Variants in DIS3L2 observed in about 807,000 individuals in gnomAD.
DIS3L2 encodes DIS3-like exonuclease 2.
DIS3L2 carries 34 observed loss-of-function variants against 97.5 expected under a neutral mutation model. That is an observed-to-expected ratio of 0.35 (90% CI 0.27 to 0.46). The LOEUF is 0.46. Among genes scored for constraint, DIS3L2 ranks in the 20% least tolerant of loss-of-function variants. The probability of loss-of-function intolerance (pLI) is 1.00; values close to 1 mark genes in which losing one functional copy is unlikely to be tolerated. For missense variants in DIS3L2, 1,038 were observed against 1,146.0 expected, an observed-to-expected ratio of 0.91 and a Z score of 1.36; for synonymous variants, 435 against 445.2, an observed-to-expected ratio of 0.98 and a Z score of 0.29.
At chr2:232,142,716 G>A (rs999302829) in intron 8 of DIS3L2, among the ~76,000 whole-genome samples, 4 of 152,114 alleles carry the variant, frequency 2.6e-5, no homozygotes, top group African/African-American at 9.7e-5. Context: ...CTGTGTCATA[G>A]TACTGAGCCA....
chr2:231,988,050 C>T (rs1329839482), intron 1 of DIS3L2, among the ~76,000 whole-genome samples: 1 of 152,150 alleles, frequency 6.6e-6, no homozygotes, highest in African/African-American at 2.4e-5. Context: ...TCCATTTTGG[C>T]CAGGCTGGTC....
intron 1 of DIS3L2, among the ~76,000 whole-genome samples, chr2:231,986,662 A>G (rs1273861265): frequency 6.6e-6 from 1 of 152,208 alleles, no homozygotes; most frequent in Non-Finnish European, 1.5e-5. Context: ...AGAAGCTTTT[A>G]TTATTATCGC....
rs190996800 is a variant in DIS3L2, at chr2:232,031,190, A to G, written c.366+1110A>G. Among the ~76,000 whole-genome samples, 351 of 152,334 alleles carry G rather than the reference A, an allele frequency of 2.3e-3. 3 individuals are homozygous for G. Among genetic ancestry groups the G allele is most frequent in the Non-Finnish European group, 4.2e-3 (289 of 68,032 alleles). ...TACTGCCTAAAAATCTTAGAATGGC[A>G]GGAGCTCAAGAAATGTTCTTACTAG... On this transcript the variant is annotated intron_variant, in intron 5 of 20. Transcript: ENST00000325385.
At position 232,013,997 on chromosome 2, in the gene DIS3L2, C is replaced by T. The variant is rs970611278; in HGVS notation, c.-93-838C>T. On this transcript the variant is annotated intron_variant, in intron 1 of 20. Transcript: ENST00000325385. ...TGGAAGCTAGTGTTCAGAATGACAT[C>T]TTGATTCATTTTGTGGGAACTCAGG... Among the ~76,000 whole-genome samples, 73 of 152,198 alleles carry T rather than the reference C, an allele frequency of 4.8e-4. 4 individuals are homozygous for T. Among genetic ancestry groups the T allele is most frequent in the Non-Finnish European group, 8.8e-5 (6 of 68,044 alleles).
At chr2:232,026,174 G>C (rs3100605) in intron 4 of DIS3L2, among the ~76,000 whole-genome samples, 119,295 of 152,102 alleles carry the variant, frequency 0.78, 47,530 homozygotes, top group African/African-American at 0.92. Context: ...GACAGAAGTA[G>C]AAAAGAAGGC....
chr2:232,032,016 T>A (rs1694818504), intron 5 of DIS3L2, among the ~76,000 whole-genome samples: 2 of 152,356 alleles, frequency 1.3e-5, no homozygotes, highest in Middle Eastern at 3.4e-3. Flanking sequence ...ATCCTTTGGG[T>A]ATATACACAG....
rs141982377 is a variant in DIS3L2 at position 232,124,237 on chromosome 2, T to C, written c.602-6382T>C. On this transcript the variant is annotated intron_variant, in intron 6 of 20. Transcript: ENST00000325385. ...CAACAGAAGTGGCCCTTCAAAAATA[T>C]CATCAGATACTAGAATCACCACAGT... is the stretch of plus-strand genomic sequence containing the variant. Among the ~76,000 whole-genome samples the C allele has an allele frequency of 2.4e-3, 360 of 152,134 alleles. 2 individuals carry two copies. The highest frequency in any genetic ancestry group is 4.0e-3 in the Non-Finnish European group (273 of 67,994).
At chr2:232,088,831 A>G (rs1696747800) in intron 6 of DIS3L2, among the ~76,000 whole-genome samples, 1 of 152,196 alleles carries the variant, frequency 6.6e-6, no homozygotes, top group Non-Finnish European at 1.5e-5. Context: ...CAAGTTAGAG[A>G]TTTTGAAGAA....
intron 12 of DIS3L2, among the ~76,000 whole-genome samples, chr2:232,262,565 G>T (rs904115259): frequency 1.3e-5 from 2 of 152,162 alleles, no homozygotes; most frequent in Non-Finnish European, 2.9e-5. Flanking sequence ...CTGACATCCA[G>T]TGGATAGAGG....
In DIS3L2 at chr2:232,172,540, T is replaced by G. The variant is rs903999334; in HGVS notation, c.1124+8908T>G. 5.3e-5 allele frequency: 20 copies of G among 379,442 alleles called. 1 individual carries two copies. The highest frequency in any genetic ancestry group is 9.3e-5 in the Non-Finnish European group (17 of 182,340). The allele number at this position is 379,442 out of a possible 1,614,324, so 23.5% of individuals were successfully genotyped here. The stretch of plus-strand genomic sequence containing the variant: ...ATTTCACATTTTGTTTATTCATTAG[T>G]TGATGGACATTTGGGTTGATTCCCC... On this transcript the variant is annotated intron_variant, in intron 9 of 20. Transcript: ENST00000325385.
intron 8 of DIS3L2, among the ~76,000 whole-genome samples, chr2:232,148,553 A>C (rs1451688860): frequency 6.6e-6 from 1 of 152,182 alleles, no homozygotes; most frequent in Admixed American, 6.6e-5. Flanking sequence ...AATTACTACT[A>C]ATAGGAACTT....
intron 1 of DIS3L2, among the ~76,000 whole-genome samples, chr2:232,001,667 T>G (rs969763763): frequency 1.3e-5 from 2 of 150,992 alleles, no homozygotes; most frequent in Non-Finnish European, 1.5e-5. Flanking sequence ...ACTCCATGTT[T>G]TTTCCCAGTG....
At chr2:232,337,777 T>C (rs1187668378), downstream of DIS3L2, among the ~76,000 whole-genome samples, 1 of 151,760 alleles carries the variant, frequency 6.6e-6, no homozygotes, top group African/African-American at 2.4e-5. Context: ...AAACACTCAA[T>C]AGGGTCCCTT....
At chr2:232,331,874 C>A (rs893095899) in intron 16 of DIS3L2, 2 of 152,308 alleles carry the variant, frequency 1.3e-5, no homozygotes, top group African/African-American at 4.8e-5. Flanking sequence ...GCTCGCCTCC[C>A]AGGGAGCTCA....
intron 1 of DIS3L2, among the ~76,000 whole-genome samples, chr2:231,974,052 A>C: frequency 6.6e-6 from 1 of 152,086 alleles, no homozygotes; most frequent in Non-Finnish European, 1.5e-5. Context: ...AAAAAAATAT[A>C]TATATATACT....
chr2:232,091,625 GAT>G (rs1443041150), intron 6 of DIS3L2, among the ~76,000 whole-genome samples: 2 of 152,292 alleles, frequency 1.3e-5, no homozygotes, highest in Admixed American at 6.5e-5. Context: ...TGGGAGTGCA[GAT>G]ATCTCTTTGA....
intron 6 of DIS3L2, among the ~76,000 whole-genome samples, chr2:232,119,570 A>G (rs535704442): frequency 2.6e-5 from 4 of 152,236 alleles, no homozygotes; most frequent in Non-Finnish European, 5.9e-5. Flanking sequence ...ATCAGACTAA[A>G]AGTCAATTAA....
At chr2:232,133,995 A>AAAAAAAAAG (rs1698288371) in intron 7 of DIS3L2, among the ~76,000 whole-genome samples, 2 of 150,812 alleles carry the variant, frequency 1.3e-5, no homozygotes, top group Admixed American at 6.6e-5. Flanking sequence ...CTCAAAAAAA[A>AAAAAAAAAG]AAAAAAATTA....
chr2:232,088,489 G>C (rs906661359), intron 6 of DIS3L2, among the ~76,000 whole-genome samples: 14 of 151,642 alleles, frequency 9.2e-5, no homozygotes, highest in Non-Finnish European at 2.9e-5. Flanking sequence ...GTGAACCTGG[G>C]TGGTGGAGCT....
Sources: allele counts gnomAD v4.1 joint callset (sites outside exome capture counted in the v4.1 genomes callset), GRCh38; gene constraint gnomAD v4.1.1; transcripts MANE v1.5; gene names NCBI Gene and HGNC (gene_info 2026-07-23, HGNC 2026-07-21).